Variants in ZMIZ1 observed in about 807,000 individuals in gnomAD.
The protein encoded by ZMIZ1 is zinc finger MIZ-type containing 1.
Under a neutral mutation model 113.9 loss-of-function variants are expected in ZMIZ1, and 17 were observed. The ratio of observed to expected loss-of-function variants is 0.15; its 90% confidence interval spans 0.10 to 0.22. The LOEUF (loss-of-function observed/expected upper bound fraction) is 0.22, where lower values mean the gene tolerates loss of function less well. ZMIZ1 is among the 10% of genes least tolerant of loss of function. The pLI, the probability that ZMIZ1 is intolerant of heterozygous loss-of-function variation, is 1.00. For missense variants in ZMIZ1, 1,059 were observed against 1,477.8 expected (o/e 0.72, Z 4.65); for synonymous variants, 607 against 603.1 (o/e 1.01, Z -0.09).
Position 79,279,452 on chromosome 10 carries a change from C to T in ZMIZ1, c.425+2127C>T, listed in dbSNP as rs183648927. On this transcript the variant is annotated intron_variant, in intron 8 of 24. Coordinates refer to ENST00000334512, the MANE Select transcript of ZMIZ1 (RefSeq NM_020338.4). ...CTCACTTCCTAGACGGGATGTCAGC[C>T]GGGAAGAGGCGCTCCTCACTTCCCA... Among the ~76,000 whole-genome samples the T allele has an allele frequency of 4.0e-3, 599 of 151,074 alleles. 1 individual carries two copies. The highest frequency in any genetic ancestry group is 7.1e-3 in the Non-Finnish European group (483 of 67,746).
intron 2 of ZMIZ1, among the ~76,000 whole-genome samples, chr10:79,132,406 C>A (rs1409230003): frequency 6.6e-6 from 1 of 152,220 alleles, no homozygotes; most frequent in African/African-American, 2.4e-5. Flanking sequence ...GGTGTCTCCA[C>A]TCAGCTGCTG....
At position 79,185,603 on chromosome 10, in the gene ZMIZ1, G is replaced by A. The variant is rs941391061; in HGVS notation, c.-49-15981G>A. ...TCTCAGCCACCAGATCGCTATGTCC[G>A]GGGTAGGTCACAGCCTTTGTATCTT... On this transcript the variant is annotated intron_variant, in intron 4 of 24. Transcript: ENST00000334512. Among the ~76,000 whole-genome samples, 6 of 152,198 alleles carry A rather than the reference G, an allele frequency of 3.9e-5. 1 individual carries two copies. The highest frequency in any genetic ancestry group is 4.2e-4 in the South Asian group (2 of 4,816).
chr10:79,089,384 A>T (rs941255013), intron 1 of ZMIZ1, among the ~76,000 whole-genome samples: 2 of 152,214 alleles, frequency 1.3e-5, no homozygotes, highest in African/African-American at 4.8e-5. Flanking sequence ...CATCCGGCTC[A>T]CTTTCCTTCT....
intron 3 of ZMIZ1, among the ~76,000 whole-genome samples, chr10:79,161,786 C>T (rs560329552): frequency 1.7e-4 from 26 of 152,310 alleles, no homozygotes; most frequent in African/African-American, 4.6e-4. Context: ...TGGATTCTCC[C>T]GGTGACCTTG....
intron 1 of ZMIZ1, among the ~76,000 whole-genome samples, chr10:79,095,118 G>T (rs1204987290): frequency 6.6e-6 from 1 of 152,170 alleles, no homozygotes; most frequent in Non-Finnish European, 1.5e-5. Context: ...TCTTCCACTT[G>T]TGGGACCTTG....
intron 23 of ZMIZ1, among the ~76,000 whole-genome samples, chr10:79,309,325 A>ACTGT (rs1554833692): frequency 6.6e-6 from 1 of 152,064 alleles, no homozygotes. Context: ...AGATCCAGGG[A>ACTGT]CTGTCTGTCT....
chr10:79,091,585 C>T (rs1332801183), intron 1 of ZMIZ1, among the ~76,000 whole-genome samples: 1 of 151,950 alleles, frequency 6.6e-6, no homozygotes, highest in Admixed American at 6.6e-5. Flanking sequence ...GGGGAGGGGC[C>T]TCCTGGAGGA....
intron 7 of ZMIZ1, among the ~76,000 whole-genome samples, chr10:79,275,655 C>T (rs1852241634): frequency 6.6e-6 from 1 of 152,200 alleles, no homozygotes; most frequent in East Asian, 1.9e-4. Context: ...GTCAGAGGGG[C>T]TGGGGAGCTG....
chr10:79,115,406 A>G (rs569845734), intron 1 of ZMIZ1, among the ~76,000 whole-genome samples: 10 of 152,264 alleles, frequency 6.6e-5, no homozygotes, highest in African/African-American at 2.4e-4. Flanking sequence ...CTCTTAGCAA[A>G]GGGTCCTGGA....
chr10:79,306,035 G>A (rs962029779), intron 21 of ZMIZ1, 65 bp from the exon 22 acceptor site: 2 of 1,569,434 alleles, frequency 1.3e-6, no homozygotes, highest in African/African-American at 1.3e-5. Flanking sequence ...GTCGGAGCTG[G>A]AGGTGCTTTT....
At chr10:79,161,994 A>T (rs1846129873) in intron 3 of ZMIZ1, 59 bp from the exon 4 acceptor site, 1 of 398,854 alleles carries the variant, frequency 2.5e-6, no homozygotes. Flanking sequence ...CAGTGGCCTC[A>T]TGGTCAGTGC....
chr10:79,115,621 T>C (rs1032867115), intron 1 of ZMIZ1, among the ~76,000 whole-genome samples: 1 of 152,236 alleles, frequency 6.6e-6, no homozygotes, highest in Non-Finnish European at 1.5e-5. Context: ...GAGATCGTTG[T>C]GTCAGCCATA....
At chr10:79,249,873 C>T (rs796452231) in intron 7 of ZMIZ1, among the ~76,000 whole-genome samples, 56 of 152,284 alleles carry the variant, frequency 3.7e-4, no homozygotes, top group African/African-American at 1.3e-3. Flanking sequence ...AAAATGGGGC[C>T]ACCCGGTGTC....
At chr10:79,285,688 A>G (rs947520405) in intron 8 of ZMIZ1, 108 of 429,768 alleles carry the variant, frequency 2.5e-4, no homozygotes, top group Non-Finnish European at 3.4e-4. Flanking sequence ...CCTGAGCCCT[A>G]TTGGTGTGTG....
chr10:79,286,362 G>GCTGTGGGGGC (rs1853076540), intron 8 of ZMIZ1, among the ~76,000 whole-genome samples: 1 of 152,262 alleles, frequency 6.6e-6, no homozygotes, highest in Admixed American at 6.5e-5. Context: ...CAGCAGGGCT[G>GCTGTGGGGGC]CTGTGGGGGC....
chr10:79,079,307 T>C (rs1464808032), intron 1 of ZMIZ1, among the ~76,000 whole-genome samples: 1 of 152,208 alleles, frequency 6.6e-6, no homozygotes, highest in African/African-American at 2.4e-5. Flanking sequence ...CCAGAACCTG[T>C]GGTCAAGCCT....
At chr10:79,158,117 G>T (rs1317182925) in intron 3 of ZMIZ1, among the ~76,000 whole-genome samples, 3 of 152,186 alleles carry the variant, frequency 2.0e-5, no homozygotes, top group African/African-American at 7.2e-5. Context: ...CCCTGATTTG[G>T]ATGGGCACCA....
At chr10:79,290,691 G>A (rs1200403677) in intron 9 of ZMIZ1, 5 of 659,416 alleles carry the variant, frequency 7.6e-6, no homozygotes, top group Admixed American at 4.1e-5. Context: ...CCTGGGGACC[G>A]CTTGAACTGG....
chr10:79,202,187 C>T (rs1589417677), intron 5 of ZMIZ1, among the ~76,000 whole-genome samples: 1 of 39,498 alleles, frequency 2.5e-5, no homozygotes, highest in South Asian at 1.3e-3. Flanking sequence ...GACCCTGTCT[C>T]AGAAAAAAAA....
Sources: allele counts gnomAD v4.1 joint callset (sites outside exome capture counted in the v4.1 genomes callset), GRCh38; gene constraint gnomAD v4.1.1; transcripts MANE v1.5; gene names NCBI Gene and HGNC (gene_info 2026-07-23, HGNC 2026-07-21).